The following GNA11 variants were observed in gnomAD, a reference collection of about 807,000 sequenced individuals.
The protein encoded by GNA11 is guanine nucleotide-binding protein subunit alpha-11.
A neutral mutation model predicts 38.2 loss-of-function variants in GNA11; 8 were observed. The observed-to-expected ratio is 0.21, with a 90% CI of 0.12 to 0.38. GNA11 has a LOEUF of 0.38. Among genes scored for constraint, GNA11 ranks in the 10% least tolerant of loss-of-function variants. The pLI is 1.00. For synonymous variants in GNA11, 211 were observed against 221.4 expected (o/e 0.95, Z 0.42); for missense variants, 268 against 516.3 (o/e 0.52, Z 4.66).
chr19:3,101,968 C>T (rs1376598679), intron 1 of GNA11, among the ~76,000 whole-genome samples: 2 of 152,114 alleles, frequency 1.3e-5, no homozygotes, highest in Non-Finnish European at 2.9e-5. Flanking sequence ...TGGTGATGTG[C>T]ACCTGTAGTC....
chr19:3,102,795 G>A (rs888975051), intron 1 of GNA11, among the ~76,000 whole-genome samples: 2 of 152,230 alleles, frequency 1.3e-5, no homozygotes, highest in African/African-American at 4.8e-5. Context: ...TCAGGTTGGT[G>A]CCTGGCTCTG....
chr19:3,118,734 G>C (rs904894509), intron 4 of GNA11, 190 bp from the exon 5 acceptor site: 9 of 592,374 alleles, frequency 1.5e-5, no homozygotes, highest in African/African-American at 1.5e-4. Context: ...AGGGTCTGCG[G>C]TGGTCACCCC....
Position 3,121,405 on chromosome 19 carries a change from A to G in GNA11, c.*226A>G, listed in dbSNP as rs1223689023. 1 of 359,254 alleles carries G rather than the reference A, an allele frequency of 2.8e-6. No individual in the cohort carries two copies. The highest frequency in any genetic ancestry group is 5.0e-6 in the Non-Finnish European group (1 of 201,898). 22.3% of individuals were successfully genotyped at this position (359,254 alleles called of 1,614,324 possible). A position where few individuals can be genotyped will look rare whatever the true frequency, so the allele number is the denominator to read the frequency against. ...TCGCGCACCTTCTCACCTTTTGTCA[A>G]CGGCAAAGGCAGCCTTTTTCTGGCC... On this transcript the variant is annotated 3_prime_UTR_variant, in exon 7 of 7. Coordinates refer to ENST00000078429, the MANE Select transcript of GNA11 (RefSeq NM_002067.5).
intron 3 of GNA11, among the ~76,000 whole-genome samples, chr19:3,113,911 G>A (rs968561276): frequency 2.6e-5 from 4 of 152,212 alleles, no homozygotes. Flanking sequence ...ACTAGTGACT[G>A]GCTGTGACCT....
intron 1 of GNA11, among the ~76,000 whole-genome samples, chr19:3,105,751 G>C (rs963983321): frequency 1.3e-5 from 2 of 152,216 alleles, no homozygotes; most frequent in Non-Finnish European, 2.9e-5. Context: ...GCCGAGCAGC[G>C]GTCTGTGCGT....
rs546306678 is a variant in GNA11 at position 3,110,341 on chromosome 19, C to T, written c.321+8C>T. The T allele has an allele frequency of 2.2e-5, 35 of 1,602,774 alleles. No individual in the cohort carries two copies. Among genetic ancestry groups the T allele is most frequent in the East Asian group, 9.0e-5 (4 of 44,566 alleles). On this transcript the variant is annotated splice_region_variant and intron_variant, in intron 2 of 6. Coordinates refer to ENST00000078429, the MANE Select transcript of GNA11 (RefSeq NM_002067.5). This position sits in a 1 kb window ranked among gnomAD's most constrained non-coding sequence, Gnocchi z 5.4. ...AAGTACGAGCAGAACAAGGTGAGCC[C>T]GCGGGCGCCTGGGGAGGGGAGCGCC...
At chr19:3,113,229 C>T (rs1210238055) in intron 2 of GNA11, 101 bp from the exon 3 acceptor site, 10 of 1,166,836 alleles carry the variant, frequency 8.6e-6, no homozygotes, top group East Asian at 2.4e-5. Context: ...TGCGGAATGC[C>T]GCCCGGGCCA....
At chr19:3,096,348 GTGGCACTTTGCACAGAGTGGCACTGGC>G (rs1913365267) in intron 1 of GNA11, among the ~76,000 whole-genome samples, 1 of 152,344 alleles carries the variant, frequency 6.6e-6, no homozygotes, top group Admixed American at 6.5e-5. Context: ...GGCCCGCGTG[GTGGCACTTTGCACAGAGTGGCACTGGC>G]TGGCTTTTGT....
Position 3,120,932 on chromosome 19 carries a change from C to T in GNA11, c.890-57C>T, listed in dbSNP as rs547791756. On this transcript the variant is annotated intron_variant, in intron 6 of 6. Transcript: ENST00000078429. This position sits in a 1 kb window ranked among gnomAD's most constrained non-coding sequence, Gnocchi z 5.9. ...CCCCTGGGAGTGACAAAGGGGCCCACGAGTCCCTTGCCCTGGGCCGGGCTG... is the reference window on the plus strand; with the variant it reads ...CCCCTGGGAGTGACAAAGGGGCCCATGAGTCCCTTGCCCTGGGCCGGGCTG... 2.8e-4 allele frequency: 381 copies of T among 1,340,028 alleles called. No individual in the cohort carries two copies. Among genetic ancestry groups the T allele is most frequent in the South Asian group, 6.2e-4 (49 of 78,894 alleles). The allele number at this position is 1,340,028 out of a possible 1,614,324, so 83.0% of individuals were successfully genotyped here. A position where few individuals can be genotyped will look rare whatever the true frequency, so the allele number is the denominator to read the frequency against.
intron 4 of GNA11, among the ~76,000 whole-genome samples, chr19:3,115,625 T>C (rs1204317548): frequency 6.6e-6 from 1 of 151,048 alleles, no homozygotes; most frequent in Non-Finnish European, 1.5e-5. Flanking sequence ...GGGGGCCTGG[T>C]TGGAGCCAGC....
chr19:3,114,070 G>A (rs968071169), intron 3 of GNA11, among the ~76,000 whole-genome samples: 8 of 152,118 alleles, frequency 5.3e-5, no homozygotes, highest in Non-Finnish European at 1.0e-4. Context: ...CAGAGGCCCC[G>A]GCCCTCCCCC....
chr19:3,101,466 C>T (rs112497646), intron 1 of GNA11, among the ~76,000 whole-genome samples: 3 of 152,298 alleles, frequency 2.0e-5, no homozygotes, highest in African/African-American at 7.2e-5. Flanking sequence ...TTTCTCCAGC[C>T]ACACTGGTTT....
At chr19:3,113,590 C>G in intron 3 of GNA11, 106 bp downstream of exon 3, 1 of 846,018 alleles carries the variant, frequency 1.2e-6, no homozygotes, top group Non-Finnish European at 1.8e-6. Context: ...CCTGCCTGCT[C>G]GCCGGGGGCA....
rs375406433 is a variant in GNA11 at position 3,121,254 on chromosome 19, G to T, written c.*75G>T. On this transcript the variant is annotated 3_prime_UTR_variant, in exon 7 of 7. Coordinates refer to ENST00000078429, the MANE Select transcript of GNA11 (RefSeq NM_002067.5). ...TCCACGGAGCCTGCGGCTGCCGGGC[G>T]GGTGGCGCTGCCGAGTCCGGGCCGG... The T allele has an allele frequency of 3.9e-5, 48 of 1,227,466 alleles. No homozygotes were observed. The African/African-American group carries it at 6.6e-4, about 17-fold the overall frequency. The allele number at this position is 1,227,466 out of a possible 1,614,324, so 76.0% of individuals were successfully genotyped here.
intron 1 of GNA11, among the ~76,000 whole-genome samples, chr19:3,102,875 C>T (rs1378864792): frequency 6.6e-6 from 1 of 152,232 alleles, no homozygotes; most frequent in African/African-American, 2.4e-5. Flanking sequence ...GCCAAGATCA[C>T]AGGCACACGC....
chr19:3,100,313 T>C (rs1326334719), intron 1 of GNA11, among the ~76,000 whole-genome samples: 2 of 152,070 alleles, frequency 1.3e-5, no homozygotes, highest in Admixed American at 1.3e-4. Flanking sequence ...ACCACAGAAG[T>C]CCCCAGACAT....
chr19:3,100,942 G>A (rs1913487638), intron 1 of GNA11, among the ~76,000 whole-genome samples: 1 of 152,234 alleles, frequency 6.6e-6, no homozygotes, highest in African/African-American at 2.4e-5. Flanking sequence ...AAGCTGCGGA[G>A]TAACCCTGGG....
intron 1 of GNA11, among the ~76,000 whole-genome samples, chr19:3,098,781 C>G (rs1913433275): frequency 6.6e-6 from 1 of 152,172 alleles, no homozygotes; most frequent in African/African-American, 2.4e-5. Context: ...CCAGAAGACT[C>G]TGGGAGCAGG....
rs1190703909 is a variant in GNA11 at position 3,123,666 on chromosome 19, C to T, written c.*2487C>T. On this transcript the variant is annotated 3_prime_UTR_variant, in exon 7 of 7. Transcript: ENST00000078429. The stretch of plus-strand genomic sequence containing the variant: ...CTCCCCCAGGGAGGCATCCCCGTGC[C>T]AATGTCCCCCAGTGGTGGCAGCAGA... 8.6e-6 allele frequency: 2 copies of T among 233,170 alleles called. No individual in the cohort carries two copies. Among genetic ancestry groups the T allele is most frequent in the African/African-American group, 4.4e-5 (2 of 45,364 alleles). The allele number at this position is 233,170 out of a possible 1,614,324, so 14.4% of individuals were successfully genotyped here.
Sources: gnomAD v4.1 joint callset for allele counts (sites outside exome capture counted in the v4.1 genomes callset) on GRCh38, gnomAD v4.1.1 for gene constraint, Gnocchi (gnomAD v3.1) non-coding constraint, MANE v1.5 for transcripts, NCBI Gene and HGNC (gene_info 2026-07-23, HGNC 2026-07-21) for gene names.